The following ABCG1 variants were observed in gnomAD, a reference collection of about 807,000 sequenced individuals.
ABCG1 encodes ATP binding cassette subfamily G member 1, also known as ATP-binding cassette sub-family G member 1.
A neutral mutation model predicts 69.2 loss-of-function variants in ABCG1; 29 were observed. The observed-to-expected ratio is 0.42, with a 90% CI of 0.31 to 0.57. The LOEUF is 0.57. Among genes scored for constraint, ABCG1 ranks in the 20% least tolerant of loss-of-function variants. The pLI is 0.15. For missense variants in ABCG1, 718 were observed against 898.1 expected, an observed-to-expected ratio of 0.80 and a Z score of 2.56; for synonymous variants, 370 against 374.8, an observed-to-expected ratio of 0.99 and a Z score of 0.15.
At position 42,219,924 on chromosome 21, in the gene ABCG1, G is replaced by A. The variant is rs1294508254; in HGVS notation, c.42+620G>A. 1.3e-6 allele frequency: 2 copies of A among 1,550,342 alleles called. No homozygotes were observed. Among genetic ancestry groups the A allele is most frequent in the Admixed American group, 2.0e-5 (1 of 50,960 alleles). On this transcript the variant is annotated intron_variant, in intron 1 of 14. Coordinates refer to ENST00000398449, the MANE Select transcript of ABCG1 (RefSeq NM_016818.3). The surrounding 1 kb of genome is among the most constrained non-coding windows in gnomAD (Gnocchi z 5.3). The stretch of plus-strand genomic sequence containing the variant: ...CGAGGGGCAAGCCCGGATTCCTGCC[G>A]GCCGCCTTTCTGCGCGCGCCGGAGA...
Position 42,273,407 on chromosome 21 carries a change from C to G in ABCG1, c.509C>G (p.Pro170Arg). The G allele has an allele frequency of 6.2e-7, 1 of 1,613,886 alleles. No homozygotes were observed. The highest frequency in any genetic ancestry group is 8.5e-7 in the Non-Finnish European group (1 of 1,179,976). Residue 170 changes from proline (P) to arginine (R), a missense_variant, in exon 4 of 15, where the codon CCG becomes CGG. This residue lies in a region of ABCG1 where 514 missense variants were observed against 574.3 expected (regional missense o/e 0.90). Coordinates refer to ENST00000398449, the MANE Select transcript of ABCG1 (RefSeq NM_016818.3). The surrounding 1 kb of genome is among the most constrained non-coding windows in gnomAD (Gnocchi z 5.3). ...ATCATGCAGGATGACATGCTGCTGC[C>G]GCATCTCACTGTGCAGGAGGCCATG... is the stretch of plus-strand genomic sequence containing the variant. ...CYIMQDDMLL[P>R]HLTVQEAMMV...
At chr21:42,259,257 G>C in intron 2 of ABCG1, 1 of 1,476,064 alleles carries the variant, frequency 6.8e-7, no homozygotes. Flanking sequence ...GCAAAGCACA[G>C]CCTGGAGACC....
chr21:42,263,468 C>A (rs951131960), intron 2 of ABCG1, among the ~76,000 whole-genome samples: 11 of 152,286 alleles, frequency 7.2e-5, no homozygotes, highest in African/African-American at 2.2e-4. Flanking sequence ...CAGTTCTGAT[C>A]TGGGGGCTGG....
intron 5 of ABCG1, 69 bp from the exon 6 acceptor site, chr21:42,282,205 T>G (rs974283485): frequency 3.2e-6 from 5 of 1,563,066 alleles, no homozygotes; most frequent in Non-Finnish European, 4.3e-6. Context: ...CAGGTCTTCC[T>G]GCATGGGCCA....
At chr21:42,239,135 T>C (rs1392608511) in intron 2 of ABCG1, among the ~76,000 whole-genome samples, 2 of 152,150 alleles carry the variant, frequency 1.3e-5, no homozygotes, top group African/African-American at 4.8e-5. Context: ...GGAGGCAGTA[T>C]AGGATAGAGC....
chr21:42,201,505 A>G, intron 1 of ABCG1: 2 of 1,056,028 alleles, frequency 1.9e-6, no homozygotes, highest in Non-Finnish European at 2.7e-6. Flanking sequence ...CTTGTCTTAC[A>G]TGACAGGGTG....
In ABCG1 at chr21:42,219,456, C is replaced by G; in HGVS notation, c.42+152C>G. On this transcript the variant is annotated intron_variant, in intron 1 of 14. Coordinates refer to ENST00000398449, the MANE Select transcript of ABCG1 (RefSeq NM_016818.3). This position sits in a 1 kb window ranked among gnomAD's most constrained non-coding sequence, Gnocchi z 5.3. The stretch of plus-strand genomic sequence containing the variant: ...GGCACCCTAGAGTGGCGCCCGGCTC[C>G]GATCGCTGCCCCTGCCCCTCCGCCA... 8.6e-7 allele frequency: 1 copy of G among 1,158,856 alleles called. No individual in the cohort carries two copies. Among genetic ancestry groups the G allele is most frequent in the Non-Finnish European group, 1.2e-6 (1 of 854,548 alleles). The allele number at this position is 1,158,856 out of a possible 1,614,324, so 71.8% of individuals were successfully genotyped here.
At chr21:42,285,185 A>G (rs1313605098) in intron 7 of ABCG1, among the ~76,000 whole-genome samples, 5 of 152,124 alleles carry the variant, frequency 3.3e-5, no homozygotes, top group Non-Finnish European at 5.9e-5. Flanking sequence ...GCATTTGCAC[A>G]GTATCATTTG....
At chr21:42,268,570 G>C (rs1221908433) in intron 2 of ABCG1, among the ~76,000 whole-genome samples, 1 of 152,116 alleles carries the variant, frequency 6.6e-6, no homozygotes, top group Non-Finnish European at 1.5e-5. Flanking sequence ...CCACTTTTAA[G>C]ATTCTTCAAT....
intron 2 of ABCG1, among the ~76,000 whole-genome samples, chr21:42,237,065 A>G (rs951372103): frequency 3.3e-5 from 5 of 152,326 alleles, no homozygotes; most frequent in Admixed American, 3.3e-4. Flanking sequence ...TTCAGTTGTC[A>G]TAAATGTGCC....
exon 2 of ABCG1, chr21:42,201,703 C>G (rs371139725): frequency 2.5e-5 from 40 of 1,613,884 alleles, no homozygotes; most frequent in Non-Finnish European, 3.3e-5. Flanking sequence ...GTGGACAAAA[C>G]AGAGAAAGCC....
intron 2 of ABCG1, among the ~76,000 whole-genome samples, chr21:42,226,815 T>C (rs2067824796): frequency 6.6e-6 from 1 of 152,184 alleles, no homozygotes; most frequent in Admixed American, 6.5e-5. Flanking sequence ...GGAAAGCAAT[T>C]TGAAAATCTG....
chr21:42,235,249 C>CG (rs1569212316), intron 2 of ABCG1, among the ~76,000 whole-genome samples: 1 of 152,132 alleles, frequency 6.6e-6, no homozygotes, highest in Non-Finnish European at 1.5e-5. Flanking sequence ...TGGGAGACCC[C>CG]GGGAATGGAA....
intron 1 of ABCG1, among the ~76,000 whole-genome samples, chr21:42,224,662 C>T (rs952921546): frequency 6.6e-6 from 1 of 152,162 alleles, no homozygotes; most frequent in African/African-American, 2.4e-5. Flanking sequence ...TGTGTGTGTG[C>T]TTTTGGCACT....
intron 2 of ABCG1, among the ~76,000 whole-genome samples, chr21:42,227,487 G>T (rs940605536): frequency 2.6e-5 from 4 of 152,196 alleles, no homozygotes; most frequent in African/African-American, 9.7e-5. Context: ...TGGAAATGTT[G>T]TCATGACAGT....
chr21:42,284,695 C>A lies in ABCG1; in HGVS notation c.858+12C>A. The A allele has an allele frequency of 6.2e-7, 1 of 1,611,366 alleles. No individual in the cohort carries two copies. The highest frequency in any genetic ancestry group is 1.7e-5 in the Admixed American group (1 of 60,022). ...AGCTGTTCGACCAGGTACGCGGGCCCCGGGCCCTCCCCGCCAGATTACCAC... is the reference window on the plus strand; with the variant it reads ...AGCTGTTCGACCAGGTACGCGGGCCACGGGCCCTCCCCGCCAGATTACCAC... On this transcript the variant is annotated intron_variant, in intron 7 of 14. Transcript: ENST00000398449.
At position 42,273,148 on chromosome 21, in the gene ABCG1, G is replaced by A. The variant is rs1336146338; in HGVS notation, c.405-155G>A. Among the ~76,000 whole-genome samples, 2 of 152,188 alleles carry A rather than the reference G, an allele frequency of 1.3e-5. No homozygotes were observed. Among genetic ancestry groups the A allele is most frequent in the Non-Finnish European group, 2.9e-5 (2 of 68,034 alleles). On this transcript the variant is annotated intron_variant, in intron 3 of 14. Coordinates refer to ENST00000398449, the MANE Select transcript of ABCG1 (RefSeq NM_016818.3). The surrounding 1 kb of genome is among the most constrained non-coding windows in gnomAD (Gnocchi z 5.3). ...GATCGCTGCAGTGCTAGCGAGGTCCGGTCCCTTTCTGCCCCTCGGGGTCCC... is the reference window on the plus strand; with the variant it reads ...GATCGCTGCAGTGCTAGCGAGGTCCAGTCCCTTTCTGCCCCTCGGGGTCCC...
At chr21:42,206,981 CT>C (rs2067548422) in intron 2 of ABCG1, 1 of 151,562 alleles carries the variant, frequency 6.6e-6, no homozygotes, top group African/African-American at 2.4e-5. Flanking sequence ...GCTTTTTCCC[CT>C]ATAGGTAAGG....
Position 42,219,252 on chromosome 21 carries a change from G to C in ABCG1, c.-11G>C, listed in dbSNP as rs200985535. 6.5e-7 allele frequency: 1 copy of C among 1,541,514 alleles called. No individual in the cohort carries two copies. The highest frequency in any genetic ancestry group is 8.7e-7 in the Non-Finnish European group (1 of 1,152,094). ...CGCCGCCGCCGCCGCCGCCGCCGCC[G>C]CCCCCGGGGCATGGCCTGTCTGATG... On this transcript the variant is annotated 5_prime_UTR_variant, in exon 1 of 15. Transcript: ENST00000398449. This position sits in a 1 kb window ranked among gnomAD's most constrained non-coding sequence, Gnocchi z 5.3.
Sources: gnomAD v4.1 joint callset for allele counts (sites outside exome capture counted in the v4.1 genomes callset) on GRCh38, gnomAD v4.1.1 for gene constraint, gnomAD v4.1.1 regional missense constraint, Gnocchi (gnomAD v3.1) non-coding constraint, MANE v1.5 for transcripts, NCBI Gene and HGNC (gene_info 2026-07-23, HGNC 2026-07-21) for gene names.